Variants in RHOF observed in about 807,000 individuals in gnomAD.
RHOF encodes the protein ras homolog family member F, filopodia associated, also known as rho-related GTP-binding protein RhoF.
A neutral mutation model predicts 22.2 loss-of-function variants in RHOF; 21 were observed. The observed-to-expected ratio is 0.95, with a 90% confidence interval of 0.67 to 1.36. The LOEUF (loss-of-function observed/expected upper bound fraction) is 1.36. Among genes scored for constraint, RHOF ranks in the 40% most tolerant of loss-of-function variants. RHOF has a pLI of 0.00. For missense variants in RHOF, 285 were observed against 293.7 expected, an observed-to-expected ratio of 0.97 and a Z score of 0.22; for synonymous variants, 135 against 131.2, an observed-to-expected ratio of 1.03 and a Z score of -0.20.
chr12:121,789,166 G>A (rs1280817989), intron 2 of RHOF, among the ~76,000 whole-genome samples: 1 of 152,110 alleles, frequency 6.6e-6, no homozygotes, highest in Non-Finnish European at 1.5e-5. Flanking sequence ...AGAGGCTGTG[G>A]CTGCAATGAG....
chr12:121,792,720 C>T (rs1816754036), intron 2 of RHOF, among the ~76,000 whole-genome samples: 1 of 152,224 alleles, frequency 6.6e-6, no homozygotes, highest in Admixed American at 6.5e-5. Context: ...TGATCTGCAG[C>T]CGGGAGCATC....
At chr12:121,788,102 C>T (rs757458128) in intron 2 of RHOF, among the ~76,000 whole-genome samples, 1 of 152,094 alleles carries the variant, frequency 6.6e-6, no homozygotes, top group Non-Finnish European at 1.5e-5. Context: ...ATTAACTCAT[C>T]TTTCCCCCAA....
At chr12:121,779,774 T>G in intron 4 of RHOF, 112 bp from the exon 5 acceptor site, 1 of 1,170,482 alleles carries the variant, frequency 8.5e-7, no homozygotes. Context: ...AGGCCTTGGT[T>G]TGGGCCTGTC....
rs575394762 is a variant in RHOF, at chr12:121,793,137, C to T, written c.226+15G>A. The T allele has an allele frequency of 1.3e-6, 2 of 1,548,174 alleles. No individual in the cohort carries two copies. Among genetic ancestry groups the T allele is most frequent in the Non-Finnish European group, 8.7e-7 (1 of 1,145,926 alleles). On this transcript the variant is annotated intron_variant, in intron 2 of 4. Coordinates refer to ENST00000267205, the MANE Select transcript of RHOF (RefSeq NM_019034.3). ...GGGCGGACCCTCGGGCCCCCCGGCG[C>T]GCAGGCGCACTCACCGGCCGTGTCG...
intron 2 of RHOF, chr12:121,783,128 CCCTGTCT>C (rs982772519): frequency 9.9e-5 from 15 of 151,628 alleles, no homozygotes; most frequent in African/African-American, 3.2e-4. Context: ...GACGGTGGGC[CCCTGTCT>C]ACTGCTGGCC....
Position 121,781,014 on chromosome 12 carries a change from GGGA to G in RHOF, c.337-11_337-9del. On this transcript the variant is annotated splice_polypyrimidine_tract_variant and intron_variant, in intron 3 of 4. Transcript: ENST00000267205. ...CGTGACCTCAGGGAACCACTGTGGA[GGGA>G]GGAGGCGGGATCAGGGGTGCGGCCG... 1 of 1,613,390 alleles carries G rather than the reference GGGA, an allele frequency of 6.2e-7. No homozygotes were observed. Among genetic ancestry groups the G allele is most frequent in the Non-Finnish European group, 8.5e-7 (1 of 1,179,444 alleles).
At chr12:121,786,480 G>A (rs1165034955) in intron 2 of RHOF, among the ~76,000 whole-genome samples, 1 of 152,206 alleles carries the variant, frequency 6.6e-6, no homozygotes, top group Non-Finnish European at 1.5e-5. Flanking sequence ...GGCTGCAGTG[G>A]GTGAGGGAAG....
At chr12:121,781,236 G>A (rs542592688) in intron 2 of RHOF, 44 bp from the exon 3 acceptor site, 29 of 1,562,426 alleles carry the variant, frequency 1.9e-5, no homozygotes, top group Non-Finnish European at 2.5e-5. Context: ...TCCCCTCCCT[G>A]TCTGGACTCT....
chr12:121,787,244 C>T (rs760480746), intron 2 of RHOF, among the ~76,000 whole-genome samples: 4 of 152,118 alleles, frequency 2.6e-5, no homozygotes, highest in Non-Finnish European at 4.4e-5. Flanking sequence ...CTTTAGGTGC[C>T]CTGCAGCCTT....
intron 2 of RHOF, among the ~76,000 whole-genome samples, chr12:121,791,404 G>C (rs371843060): frequency 1.3e-5 from 2 of 152,250 alleles, no homozygotes; most frequent in East Asian, 3.9e-4. Flanking sequence ...GACAGATCAG[G>C]AAACTGAGGC....
chr12:121,787,576 G>T (rs867845521), intron 2 of RHOF, among the ~76,000 whole-genome samples: 15 of 152,188 alleles, frequency 9.9e-5, no homozygotes, highest in African/African-American at 3.4e-4. Context: ...TAATAAAGAT[G>T]GTTAATATCG....
chr12:121,788,195 C>T (rs1275236020), intron 2 of RHOF, among the ~76,000 whole-genome samples: 1 of 152,174 alleles, frequency 6.6e-6, no homozygotes, highest in Non-Finnish European at 1.5e-5. Flanking sequence ...TGACTTGCCC[C>T]AGGCCACACA....
chr12:121,780,824 G>T (rs1359691948), intron 4 of RHOF, 48 bp downstream of exon 4: 1 of 1,585,086 alleles, frequency 6.3e-7, no homozygotes, highest in Non-Finnish European at 8.6e-7. Context: ...AAAGGTCCGG[G>T]AGGCTTCACA....
At chr12:121,785,097 G>C (rs1874572334) in intron 2 of RHOF, among the ~76,000 whole-genome samples, 1 of 152,228 alleles carries the variant, frequency 6.6e-6, no homozygotes, top group African/African-American at 2.4e-5. Context: ...GCCAAGGCGG[G>C]AGGATCACTT....
At chr12:121,785,803 G>A (rs1183818070) in intron 2 of RHOF, among the ~76,000 whole-genome samples, 1 of 152,004 alleles carries the variant, frequency 6.6e-6, no homozygotes, top group African/African-American at 2.4e-5. Context: ...TAGTAGAGAC[G>A]GGGTTTCACT....
At chr12:121,781,529 C>T (rs895486985) in intron 2 of RHOF, 5 of 290,252 alleles carry the variant, frequency 1.7e-5, no homozygotes, top group African/African-American at 2.2e-5. Context: ...AAAGAATCCT[C>T]AAGATCAAAC....
chr12:121,791,878 C>A (rs771485450), intron 2 of RHOF, among the ~76,000 whole-genome samples: 1 of 152,300 alleles, frequency 6.6e-6, no homozygotes, highest in East Asian at 1.9e-4. Flanking sequence ...AATGACCTTG[C>A]CCCTCCCTGG....
At chr12:121,791,035 G>A (rs1349989982) in intron 2 of RHOF, among the ~76,000 whole-genome samples, 1 of 150,794 alleles carries the variant, frequency 6.6e-6, no homozygotes, top group African/African-American at 2.4e-5. Context: ...CAACACGCCT[G>A]GCTAATTTTT....
At chr12:121,793,464 C>A (rs1465631353) in intron 1 of RHOF, 32 bp downstream of exon 1, 1 of 1,537,738 alleles carries the variant, frequency 6.5e-7, no homozygotes, top group South Asian at 1.2e-5. Flanking sequence ...GGGCGTCCCT[C>A]GCCCCCACCC....
Sources: gnomAD v4.1 joint callset for allele counts (sites outside exome capture counted in the v4.1 genomes callset) on GRCh38, gnomAD v4.1.1 for gene constraint, MANE v1.5 for transcripts, NCBI Gene and HGNC (gene_info 2026-07-23, HGNC 2026-07-21) for gene names.